The following CCDC33 variants were observed in gnomAD, a reference collection of about 807,000 sequenced individuals.
CCDC33 encodes coiled-coil domain-containing protein 33.
A neutral mutation model predicts 91.9 loss-of-function variants in CCDC33; 94 were observed. The observed-to-expected ratio is 1.02, with a 90% CI of 0.87 to 1.21. The LOEUF (loss-of-function observed/expected upper bound fraction) is 1.21, where lower values mean the gene tolerates loss of function less well. CCDC33 is among the 50% of genes most tolerant of loss of function. The pLI, the probability that CCDC33 is intolerant of heterozygous loss-of-function variation, is 0.00. For missense variants in CCDC33, 940 were observed against 935.5 expected (o/e 1.00, Z -0.06); for synonymous variants, 396 against 374.5 (o/e 1.06, Z -0.66).
chr15:74,214,571 A>G (rs1348279299), upstream of CCDC33, among the ~76,000 whole-genome samples: 1 of 152,164 alleles, frequency 6.6e-6, no homozygotes, highest in East Asian at 1.9e-4. Context: ...TTCATCTGTA[A>G]AATGGGCTTG....
chr15:74,209,569 C>T, intron 2 of CCDC33: 2 of 795,022 alleles, frequency 2.5e-6, no homozygotes, highest in Non-Finnish European at 3.9e-6. Context: ...GAAAAAGGCC[C>T]CCTCGGAGCT....
intron 2 of CCDC33, among the ~76,000 whole-genome samples, chr15:74,259,976 T>G (rs1026945046): frequency 6.6e-6 from 1 of 152,250 alleles, no homozygotes. Flanking sequence ...CCCTTGGCGC[T>G]TCTGCTTTTC....
intron 11 of CCDC33, among the ~76,000 whole-genome samples, chr15:74,328,208 G>A (rs2060349411): frequency 6.6e-6 from 1 of 152,206 alleles, no homozygotes; most frequent in Non-Finnish European, 1.5e-5. Context: ...AAGATTTAGA[G>A]CACAGCAAAG....
chr15:74,244,247 C>T lies in CCDC33; in HGVS notation c.185+99C>T. ...AATACTAGCACCCAAAGGCCCAGGA[C>T]TGGGACTGTCATACCCAGAGGGGAG... On this transcript the variant is annotated intron_variant, in intron 2 of 18. Coordinates refer to ENST00000398814, the MANE Select transcript of CCDC33 (RefSeq NM_025055.5). This position sits in a 1 kb window ranked among gnomAD's most constrained non-coding sequence, Gnocchi z 4.2. 1.4e-6 allele frequency: 2 copies of T among 1,457,540 alleles called. No homozygotes were observed. Among genetic ancestry groups the T allele is most frequent in the South Asian group, 1.3e-5 (1 of 74,230 alleles). 90.3% of individuals were successfully genotyped at this position (1,457,540 alleles called of 1,614,324 possible).
At chr15:74,285,285 G>T (rs1044567335) in intron 10 of CCDC33, among the ~76,000 whole-genome samples, 1 of 152,154 alleles carries the variant, frequency 6.6e-6, no homozygotes, top group Non-Finnish European at 1.5e-5. Context: ...CCCCACACCC[G>T]CCACTACCAC....
chr15:74,324,336 C>T lies in CCDC33; in HGVS notation c.1291-5853C>T, dbSNP rs563444462. ...CTGAAGTATCCCGCTGTATGGGTCT[C>T]CACCTGCCCCTATCTCTGCCCCATA... On this transcript the variant is annotated intron_variant, in intron 11 of 18. Coordinates refer to ENST00000398814, the MANE Select transcript of CCDC33 (RefSeq NM_025055.5). Among the ~76,000 whole-genome samples, 574 of 152,212 alleles carry T rather than the reference C, an allele frequency of 3.8e-3. 3 individuals carry two copies. Among genetic ancestry groups the T allele is most frequent in the Middle Eastern group, 0.014 (4 of 294 alleles).
chr15:74,214,569 T>C (rs2074395586), upstream of CCDC33, among the ~76,000 whole-genome samples: 1 of 152,198 alleles, frequency 6.6e-6, no homozygotes, highest in Non-Finnish European at 1.5e-5. Flanking sequence ...TCTTCATCTG[T>C]AAAATGGGCT....
chr15:74,240,500 G>C (rs958567849), intron 1 of CCDC33, among the ~76,000 whole-genome samples: 4 of 152,220 alleles, frequency 2.6e-5, no homozygotes, highest in African/African-American at 9.6e-5. Flanking sequence ...TGGAAAGGCT[G>C]AATCACAAAC....
intron 2 of CCDC33, among the ~76,000 whole-genome samples, chr15:74,254,953 G>A (rs1368136634): frequency 6.6e-6 from 1 of 151,950 alleles, no homozygotes; most frequent in East Asian, 1.9e-4. Flanking sequence ...TTGCCATGTT[G>A]GCCAAGCTGG....
chr15:74,263,979 C>T (rs1418863444), intron 3 of CCDC33, among the ~76,000 whole-genome samples: 1 of 151,746 alleles, frequency 6.6e-6, no homozygotes, highest in Non-Finnish European at 1.5e-5. Flanking sequence ...GGGATCCTGC[C>T]CTGGGCTCTA....
intron 2 of CCDC33, among the ~76,000 whole-genome samples, chr15:74,254,021 A>C (rs1195020521): frequency 6.6e-6 from 1 of 151,448 alleles, no homozygotes; most frequent in Non-Finnish European, 1.5e-5. Flanking sequence ...AGCCTCTCTC[A>C]ATTTTATTTA....
chr15:74,208,951 A>G, intron 1 of CCDC33: 1 of 1,000,522 alleles, frequency 1.0e-6, no homozygotes, highest in Non-Finnish European at 1.2e-6. Context: ...CTGGGATCCT[A>G]GAGGGGTGGC....
intron 10 of CCDC33, among the ~76,000 whole-genome samples, chr15:74,291,633 G>A (rs1165431412): frequency 1.3e-5 from 2 of 152,276 alleles, no homozygotes; most frequent in African/African-American, 4.8e-5. Context: ...AGGCAGGCAG[G>A]CCGGAAGGCG....
In CCDC33 at chr15:74,218,283, C is replaced by T. The variant is rs2074500124; in HGVS notation, c.311-214C>T. Among the ~76,000 whole-genome samples, 2 of 152,128 alleles carry T rather than the reference C, an allele frequency of 1.3e-5. No homozygotes were observed. Among genetic ancestry groups the T allele is most frequent in the Non-Finnish European group, 2.9e-5 (2 of 68,010 alleles). Reference sequence around the variant, plus strand: ...AAGCCCTCCCTTCCTCACCCCTGCCCGGTGGGCTTGGATTGGGCATCAGCA... The same window carrying T: ...AAGCCCTCCCTTCCTCACCCCTGCCTGGTGGGCTTGGATTGGGCATCAGCA... On this transcript the variant is annotated intron_variant, in intron 1 of 2. Coordinates refer to the CCDC33 transcript ENST00000635913. This position sits in a 1 kb window ranked among gnomAD's most constrained non-coding sequence, Gnocchi z 4.8.
At chr15:74,260,811 G>A (rs2076003671) in intron 2 of CCDC33, among the ~76,000 whole-genome samples, 1 of 152,192 alleles carries the variant, frequency 6.6e-6, no homozygotes, top group Admixed American at 6.5e-5. Flanking sequence ...TCACAGGAGG[G>A]TCAATAAGGC....
intron 11 of CCDC33, among the ~76,000 whole-genome samples, chr15:74,317,898 T>TTG (rs1555421322): frequency 2.7e-5 from 4 of 149,166 alleles, no homozygotes; most frequent in African/African-American, 9.9e-5. Flanking sequence ...TTTTTTTTTT[T>TTG]TTTTTTTTTT....
At chr15:74,330,542 G>T in intron 12 of CCDC33, 121 bp from the exon 13 acceptor site, 1 of 1,081,728 alleles carries the variant, frequency 9.2e-7, no homozygotes, top group South Asian at 1.4e-5. Flanking sequence ...ATGGGAAACA[G>T]AGAATCCAGT....
exon 2 of CCDC33, chr15:74,209,389 G>T (rs1288758689): frequency 6.5e-7 from 1 of 1,535,586 alleles, no homozygotes; most frequent in Admixed American, 2.0e-5. Flanking sequence ...CACTCCCAGG[G>T]GGCCACTGCC....
Position 74,262,515 on chromosome 15 carries a change from C to A in CCDC33, c.261C>A (p.Ala87=), listed in dbSNP as rs768151393. 7 of 1,613,796 alleles carry A rather than the reference C, an allele frequency of 4.3e-6. No individual in the cohort carries two copies. The highest frequency in any genetic ancestry group is 1.6e-4 in the Middle Eastern group (1 of 6,080). Residue 87 remains alanine (A), a synonymous_variant, in exon 3 of 19, where the codon GCC becomes GCA. Coordinates refer to ENST00000398814, the MANE Select transcript of CCDC33 (RefSeq NM_025055.5). ...CTGTGACCTCAGAGCCCACCAGAGC[C>A]CCTATCTGGGGGGACACGGTGAATG... is the stretch of plus-strand genomic sequence containing the variant. The part of the protein sequence containing the change: ...VTSVTSEPTR[A]PIWGDTVNVE...
Sources: allele counts gnomAD v4.1 joint callset (sites outside exome capture counted in the v4.1 genomes callset), GRCh38; gene constraint gnomAD v4.1.1; non-coding constraint Gnocchi (gnomAD v3.1); transcripts MANE v1.5; gene names NCBI Gene and HGNC (gene_info 2026-07-23, HGNC 2026-07-21).